The following PSMC2 variants were observed in gnomAD, a reference collection of about 807,000 sequenced individuals.
PSMC2 encodes the protein proteasome 26S subunit, ATPase 2.
Under a neutral mutation model 53.3 loss-of-function variants are expected in PSMC2, and 7 were observed. The ratio of observed to expected loss-of-function variants is 0.13; its 90% CI spans 0.07 to 0.25. The LOEUF is 0.25. Ranked by LOEUF, PSMC2 falls within the 10% of genes least tolerant of loss-of-function variation. The pLI is 1.00. For missense variants in PSMC2, 241 were observed against 544.0 expected, an observed-to-expected ratio of 0.44 and a Z score of 5.54; for synonymous variants, 169 against 183.9, an observed-to-expected ratio of 0.92 and a Z score of 0.66.
intron 4 of PSMC2, among the ~76,000 whole-genome samples, chr7:103,361,566 A>G (rs1820417889): frequency 6.6e-6 from 1 of 152,072 alleles, no homozygotes; most frequent in South Asian, 2.1e-4. Context: ...ACTCAGGAAA[A>G]GAATGAAAAC....
intron 4 of PSMC2, among the ~76,000 whole-genome samples, chr7:103,359,941 C>T (rs752583293): frequency 9.2e-5 from 14 of 151,922 alleles, no homozygotes; most frequent in Non-Finnish European, 7.4e-5. Flanking sequence ...ATTAGCTGGG[C>T]GTGGTGGCAG....
chr7:103,364,255 C>G lies in PSMC2; in HGVS notation c.704C>G (p.Ala235Gly). 1 of 1,614,156 alleles carries G rather than the reference C, an allele frequency of 6.2e-7. No homozygotes were observed. The highest frequency in any genetic ancestry group is 8.5e-7 in the Non-Finnish European group (1 of 1,180,040). ...CGGGCAGTTGCTAATCGGACTGATG[C>G]GTGCTTCATTCGAGTTATTGGATCT... is the stretch of plus-strand genomic sequence containing the variant. ...CARAVANRTD[A>G]CFIRVIGSEL... The change falls in exon 8 of 12, where the codon GCG becomes GGG. Residue 235 changes from alanine to glycine, a missense_variant. Around this residue, in one of 6 missense-constraint regions of PSMC2, gnomAD observed 26 missense variants for 104.7 expected, o/e 0.25. Coordinates refer to ENST00000292644, the MANE Select transcript of PSMC2 (RefSeq NM_002803.4).
intron 7 of PSMC2, among the ~76,000 whole-genome samples, chr7:103,363,701 T>C (rs557314208): frequency 6.6e-6 from 1 of 152,278 alleles, no homozygotes; most frequent in East Asian, 1.9e-4. Flanking sequence ...TTTAGCAATA[T>C]GTTAAATATG....
Position 103,366,030 on chromosome 7 carries a change from A to G in PSMC2, c.757-46A>G, listed in dbSNP as rs1246464237. On this transcript the variant is annotated intron_variant, in intron 8 of 11. Transcript: ENST00000292644. ...AGCATAACTTTTTACTTATTTTAAA[A>G]TATTTTGAAACCAATTTTGAATTAA... The G allele has an allele frequency of 7.4e-6, 11 of 1,478,098 alleles. No homozygotes were observed. In the East Asian group the frequency reaches 2.5e-4, roughly 34 times the overall value. 91.6% of individuals were successfully genotyped at this position (1,478,098 alleles called of 1,614,324 possible). A position where few individuals can be genotyped will look rare whatever the true frequency, so the allele number is the denominator to read the frequency against.
chr7:103,353,014 CAT>C (rs1586136568), intron 1 of PSMC2: 1 of 776,838 alleles, frequency 1.3e-6, no homozygotes, highest in East Asian at 2.4e-5. Context: ...CATGAAAGCA[CAT>C]GAGTATTGAT....
intron 2 of PSMC2, among the ~76,000 whole-genome samples, chr7:103,354,365 AT>A (rs752847513): frequency 0.04 from 5,325 of 134,502 alleles, 196 homozygotes; most frequent in African/African-American, 0.13. Flanking sequence ...TTCACACACG[AT>A]TTTTTTTTTT....
intron 4 of PSMC2, among the ~76,000 whole-genome samples, chr7:103,359,953 C>T (rs1005507424): frequency 3.3e-5 from 5 of 151,782 alleles, no homozygotes; most frequent in African/African-American, 7.3e-5. Context: ...TGGTGGCAGG[C>T]GCCTGTAATC....
intron 1 of PSMC2, chr7:103,353,001 G>A: frequency 1.3e-6 from 1 of 778,400 alleles, no homozygotes; most frequent in East Asian, 2.4e-5. Context: ...ATTTGCAAAT[G>A]ACCATGAAAG....
rs573270599 is a variant in PSMC2 at position 103,358,897 on chromosome 7, T to C, written c.291-3060T>C. ...CAGGCCTTAAAGAAAGCAAAGATTA[T>C]TTTGAAAAAGTTTCCATTGATTTTA... On this transcript the variant is annotated intron_variant, in intron 4 of 11. Transcript: ENST00000292644. Among the ~76,000 whole-genome samples the C allele has an allele frequency of 3.9e-5, 6 of 152,160 alleles. No homozygotes were observed. In the East Asian group the frequency reaches 1.2e-3, roughly 29 times the overall value.
At chr7:103,355,032 T>G in intron 3 of PSMC2, 83 bp downstream of exon 3, 1 of 882,784 alleles carries the variant, frequency 1.1e-6, no homozygotes, top group Non-Finnish European at 1.8e-6. Context: ...ATTTTACTCC[T>G]TCATGATTAC....
chr7:103,362,662 T>C (rs1469158348), intron 5 of PSMC2, 24 bp from the exon 6 acceptor site: 1 of 1,566,784 alleles, frequency 6.4e-7, no homozygotes, highest in Non-Finnish European at 8.8e-7. Context: ...AATGTATTAA[T>C]GACTATCTTT....
At chr7:103,359,691 A>G (rs1482684473) in intron 4 of PSMC2, among the ~76,000 whole-genome samples, 2 of 152,180 alleles carry the variant, frequency 1.3e-5, no homozygotes, top group Admixed American at 1.3e-4. Flanking sequence ...CTCTATCTGT[A>G]TTCACTATTG....
chr7:103,356,115 T>C (rs983588184), intron 4 of PSMC2, among the ~76,000 whole-genome samples: 1 of 152,202 alleles, frequency 6.6e-6, no homozygotes, highest in Non-Finnish European at 1.5e-5. Context: ...TAATCCTCTG[T>C]GTATCTTCCT....
chr7:103,351,819 G>A (rs770990815), intron 1 of PSMC2, among the ~76,000 whole-genome samples: 1 of 152,026 alleles, frequency 6.6e-6, no homozygotes, highest in African/African-American at 2.4e-5. Flanking sequence ...CAAAGCCTGG[G>A]CATCATGTTT....
chr7:103,364,958 C>CATATATATATATATATATATATAT (rs59914167), intron 8 of PSMC2, among the ~76,000 whole-genome samples: 181 of 125,410 alleles, frequency 1.4e-3, no homozygotes, highest in Middle Eastern at 4.1e-3. Context: ...TGTAGACATA[C>CATATATATATATATATATATATAT]ATATATATAT....
At chr7:103,364,958 CATATAT>C (rs59914167) in intron 8 of PSMC2, among the ~76,000 whole-genome samples, 16 of 125,500 alleles carry the variant, frequency 1.3e-4, no homozygotes, top group African/African-American at 3.2e-4. Context: ...TGTAGACATA[CATATAT>C]ATATATATAT....
chr7:103,350,619 G>A lies in PSMC2; in HGVS notation c.70+2838G>A, dbSNP rs148794846. ...TTCTCCTGCCTCAGCCTCCCTAGTA[G>A]TTAGGACAACAGGCGTGCACCACCA... On this transcript the variant is annotated intron_variant, in intron 1 of 11. Coordinates refer to ENST00000292644, the MANE Select transcript of PSMC2 (RefSeq NM_002803.4). 8.9e-3 allele frequency among the ~76,000 whole-genome samples: 1,357 copies of A among 152,110 alleles called. 14 individuals carry two copies. Among genetic ancestry groups the A allele is most frequent in the Non-Finnish European group, 0.014 (960 of 67,994 alleles).
In PSMC2 at chr7:103,362,264, C is replaced by T. The variant is rs563366346; in HGVS notation, c.422+176C>T. On this transcript the variant is annotated intron_variant, in intron 5 of 11. Coordinates refer to ENST00000292644, the MANE Select transcript of PSMC2 (RefSeq NM_002803.4). ...CTGCATCTGCTTCCTAACTTCCCATCGGCTTCGCTGACTCCCCTACTCCCA... is the reference window on the plus strand; with the variant it reads ...CTGCATCTGCTTCCTAACTTCCCATTGGCTTCGCTGACTCCCCTACTCCCA... The T allele has an allele frequency of 1.9e-5, 27 of 1,414,658 alleles. No individual in the cohort carries two copies. In the Admixed American group the frequency reaches 2.2e-4, roughly 12 times the overall value. 87.6% of individuals were successfully genotyped at this position (1,414,658 alleles called of 1,614,324 possible).
chr7:103,356,517 T>A (rs961181668), intron 4 of PSMC2, among the ~76,000 whole-genome samples: 4 of 152,246 alleles, frequency 2.6e-5, no homozygotes, highest in African/African-American at 9.6e-5. Context: ...TTTCAATTTT[T>A]ACACTTTTGC....
Sources: gnomAD v4.1 joint callset for allele counts (sites outside exome capture counted in the v4.1 genomes callset) on GRCh38, gnomAD v4.1.1 for gene constraint, gnomAD v4.1.1 regional missense constraint, MANE v1.5 for transcripts, NCBI Gene and HGNC (gene_info 2026-07-23, HGNC 2026-07-21) for gene names.